The following DOCK5 variants were observed in gnomAD, a reference collection of about 807,000 sequenced individuals.
The protein encoded by DOCK5 is dedicator of cytokinesis 5.
Under a neutral mutation model 251.8 loss-of-function variants are expected in DOCK5, and 142 were observed. The observed-to-expected ratio is 0.56, with a 90% CI of 0.49 to 0.65. DOCK5 has a LOEUF of 0.65. Among genes scored for constraint, DOCK5 ranks in the 30% least tolerant of loss-of-function variants. The pLI, the probability that DOCK5 is intolerant of heterozygous loss-of-function variation, is 0.00. For missense variants in DOCK5, 2,111 were observed against 2,312.3 expected, an observed-to-expected ratio of 0.91 and a Z score of 1.79; for synonymous variants, 842 against 835.5, an observed-to-expected ratio of 1.01 and a Z score of -0.13.
At chr8:25,334,277 G>T (rs914012791) in intron 21 of DOCK5, 81 bp downstream of exon 21, 45 of 1,163,308 alleles carry the variant, frequency 3.9e-5, no homozygotes, top group Middle Eastern at 5.2e-4. Flanking sequence ...GAAACGAGAC[G>T]GACCTATTAC....
Position 25,319,689 on chromosome 8 carries a change from CA to C in DOCK5, c.1542+14del. 1 of 1,531,222 alleles carries C rather than the reference CA, an allele frequency of 6.5e-7. No homozygotes were observed. The highest frequency in any genetic ancestry group is 8.9e-7 in the Non-Finnish European group (1 of 1,123,702). 94.9% of individuals were successfully genotyped at this position (1,531,222 alleles called of 1,614,324 possible). On this transcript the variant is annotated intron_variant, in intron 15 of 51. Transcript: ENST00000276440. ...TGAGACTGTCAAGGTGAGAATGAGT[CA>C]TTTGTAACCCCTGTTATCTGTTAAA...
chr8:25,244,994 C>A (rs1803060391), intron 2 of DOCK5, among the ~76,000 whole-genome samples: 1 of 152,204 alleles, frequency 6.6e-6, no homozygotes, highest in African/African-American at 2.4e-5. Flanking sequence ...GACACTAGGG[C>A]AGTCGCCTTA....
chr8:25,391,904 G>A lies in DOCK5; in HGVS notation c.4364G>A (p.Arg1455Lys). Residue 1455 changes from arginine (R) to lysine (K), a missense_variant, in exon 43 of 52, where the codon AGA becomes AAA. Around this residue, in one of 3 missense-constraint regions of DOCK5, gnomAD observed 1,717 missense variants for 1,892.4 expected, o/e 0.91. Transcript: ENST00000276440. ...GCTTTGTCCTTCTCCAGCTACTACA[G>A]AGCCAATGAAGTGCAGCAGTTCAGA... is the stretch of plus-strand genomic sequence containing the variant. ...PVPEQILNYY[R>K]ANEVQQFRYS... 6.2e-7 allele frequency: 1 copy of A among 1,613,854 alleles called. No individual in the cohort carries two copies. The highest frequency in any genetic ancestry group is 8.5e-7 in the Non-Finnish European group (1 of 1,179,846).
Position 25,373,607 on chromosome 8 carries a change from T to C in DOCK5, c.3685-11T>C. Reference sequence around the variant, plus strand: ...ATGTTGGGATTCTGTGATCCTTTTTTTTCCTGGCAGAACTTTTATAAAGAA... The same window carrying C: ...ATGTTGGGATTCTGTGATCCTTTTTCTTCCTGGCAGAACTTTTATAAAGAA... On this transcript the variant is annotated splice_polypyrimidine_tract_variant and intron_variant, in intron 35 of 51. Transcript: ENST00000276440. 6.3e-7 allele frequency: 1 copy of C among 1,589,980 alleles called. No homozygotes were observed. Among genetic ancestry groups the C allele is most frequent in the Non-Finnish European group, 8.6e-7 (1 of 1,167,276 alleles).
chr8:25,271,406 C>T (rs1803908001), intron 3 of DOCK5, among the ~76,000 whole-genome samples: 1 of 152,186 alleles, frequency 6.6e-6, no homozygotes, highest in African/African-American at 2.4e-5. Context: ...AAATCAAATT[C>T]AGTTGCCATG....
chr8:25,301,222 G>A (rs1174042628), intron 9 of DOCK5, among the ~76,000 whole-genome samples: 1 of 152,138 alleles, frequency 6.6e-6, no homozygotes, highest in Non-Finnish European at 1.5e-5. Flanking sequence ...TCCACCAGGG[G>A]TCTCAGAGCA....
intron 18 of DOCK5, among the ~76,000 whole-genome samples, chr8:25,326,672 T>A (rs971180831): frequency 3.3e-5 from 5 of 152,170 alleles, no homozygotes; most frequent in Non-Finnish European, 5.9e-5. Context: ...AGAAGGCATA[T>A]CAAGGAGTTT....
At position 25,300,579 on chromosome 8, in the gene DOCK5, G is replaced by A. The variant is rs768235238; in HGVS notation, c.768G>A (p.Glu256=). 4 of 1,612,236 alleles carry A rather than the reference G, an allele frequency of 2.5e-6. No individual in the cohort carries two copies. Among genetic ancestry groups the A allele is most frequent in the Non-Finnish European group, 2.5e-6 (3 of 1,179,174 alleles). The change falls in exon 9 of 52, where the codon GAG becomes GAA. Residue 256 remains glutamate (E), a synonymous_variant. Transcript: ENST00000276440. ...YDPDQSTFIS[E]NYLIRWGSNG... ...CAATTTTTTTTTCCTTTGCCAGTGA[G>A]AACTATCTAATTCGTTGGGGCAGTA...
At position 25,414,773 on chromosome 8, in the gene DOCK5, C is replaced by G. The variant is rs1801682312; in HGVS notation, c.*3475C>G. The G allele has an allele frequency of 6.6e-6, 1 of 152,112 alleles. No individual in the cohort carries two copies. Among genetic ancestry groups the G allele is most frequent in the East Asian group, 1.9e-4 (1 of 5,186 alleles). 9.4% of individuals were successfully genotyped at this position (152,112 alleles called of 1,614,324 possible). The stretch of plus-strand genomic sequence containing the variant: ...TGTGAAAGGTATTTATAAGGCCCTT[C>G]AAATTTGTGGCTTCCTTTCTCATAC... On this transcript the variant is annotated 3_prime_UTR_variant, in exon 52 of 52. Coordinates refer to ENST00000276440, the MANE Select transcript of DOCK5 (RefSeq NM_024940.8).
chr8:25,400,074 A>G (rs1801411646), intron 46 of DOCK5, 80 bp downstream of exon 46: 1 of 1,125,296 alleles, frequency 8.9e-7, no homozygotes, highest in Non-Finnish European at 1.3e-6. Context: ...TAAGTCTACA[A>G]GCCCACTCAG....
In DOCK5 at chr8:25,209,289, A is replaced by G. The variant is rs533663558; in HGVS notation, c.43+24338A>G. ...GGTCTTGCCCGAGGCTCAGGCAGAC[A>G]CACAATGAGGTCGCTACTCTGGGAG... On this transcript the variant is annotated intron_variant, in intron 1 of 51. Transcript: ENST00000276440. Among the ~76,000 whole-genome samples the G allele has an allele frequency of 7.0e-5, 5 of 71,106 alleles. 2 individuals are homozygous for G. In the Admixed American group the frequency reaches 7.8e-4, roughly 11 times the overall value. 46.6% of individuals were successfully genotyped at this position (71,106 alleles called of 152,430 possible).
chr8:25,368,794 A>T, intron 33 of DOCK5, 69 bp downstream of exon 33: 1 of 1,469,366 alleles, frequency 6.8e-7, no homozygotes, highest in Non-Finnish European at 9.2e-7. Context: ...ATTTCTTTCT[A>T]TATAGAGAAG....
In DOCK5 at chr8:25,325,509, T is replaced by C. The variant is rs1805542063; in HGVS notation, c.1865T>C (p.Ile622Thr). 3 of 1,613,694 alleles carry C rather than the reference T, an allele frequency of 1.9e-6. No individual in the cohort carries two copies. ...GATAGCACTAAAGACAGCTTTCAGA[T>C]TGCCACCCTCATCTGCTCCACAAAG... is the stretch of plus-strand genomic sequence containing the variant. ...SKDSTKDSFQ[I>T]ATLICSTKLT... Residue 622 changes from isoleucine (I) to threonine (T), a missense_variant, in exon 18 of 52, where the codon ATT (isoleucine) becomes ACT (threonine). By Grantham distance (89) the Ile-to-Thr change is moderately conservative (BLOSUM62 -1). Coordinates refer to ENST00000276440, the MANE Select transcript of DOCK5 (RefSeq NM_024940.8).
chr8:25,301,767 C>A (rs1215411402), intron 9 of DOCK5, among the ~76,000 whole-genome samples: 1 of 151,906 alleles, frequency 6.6e-6, no homozygotes, highest in East Asian at 1.9e-4. Context: ...ATTTCATTGA[C>A]ACATCTGTCA....
At chr8:25,241,320 CA>C (rs924489524) in intron 1 of DOCK5, among the ~76,000 whole-genome samples, 1 of 151,490 alleles carries the variant, frequency 6.6e-6, no homozygotes, top group Non-Finnish European at 1.5e-5. Context: ...ACTAAAAACA[CA>C]AAAAAAATTA....
chr8:25,243,664 T>G lies in DOCK5; in HGVS notation c.44-10T>G. ...CATTCTAATTTCCCTTTTTTATTTC[T>G]CATTTCCAGCGATCTATAACTACAA... On this transcript the variant is annotated splice_polypyrimidine_tract_variant and intron_variant, in intron 1 of 51. Coordinates refer to ENST00000276440, the MANE Select transcript of DOCK5 (RefSeq NM_024940.8). 2 of 1,611,954 alleles carry G rather than the reference T, an allele frequency of 1.2e-6. No homozygotes were observed. Among genetic ancestry groups the G allele is most frequent in the Admixed American group, 1.7e-5 (1 of 59,846 alleles).
At chr8:25,406,036 G>A (rs1427101502) in intron 48 of DOCK5, among the ~76,000 whole-genome samples, 9 of 152,080 alleles carry the variant, frequency 5.9e-5, no homozygotes, top group Admixed American at 3.3e-4. Flanking sequence ...TCGGCTCACC[G>A]CAAGCTCCGC....
At chr8:25,239,936 A>G (rs922936371) in intron 1 of DOCK5, among the ~76,000 whole-genome samples, 8 of 152,136 alleles carry the variant, frequency 5.3e-5, no homozygotes, top group Non-Finnish European at 1.0e-4. Flanking sequence ...AGGTGGCTGG[A>G]CGTGTGCTCC....
intron 1 of DOCK5, among the ~76,000 whole-genome samples, chr8:25,188,811 C>T (rs528290997): frequency 7.0e-6 from 1 of 142,052 alleles, no homozygotes; most frequent in Non-Finnish European, 1.6e-5. Context: ...GCTTTTTTCT[C>T]ATCTTTTTTC....
Sources: allele counts gnomAD v4.1 joint callset (sites outside exome capture counted in the v4.1 genomes callset), GRCh38; gene constraint gnomAD v4.1.1; regional missense constraint gnomAD v4.1.1; transcripts MANE v1.5; gene names NCBI Gene and HGNC (gene_info 2026-07-23, HGNC 2026-07-21).